The following AP3B2 variants were observed in gnomAD, a reference collection of about 807,000 sequenced individuals.
AP3B2 encodes the protein adaptor related protein complex 3 subunit beta 2, also known as AP-3 complex subunit beta-2.
Under a neutral mutation model 126.9 loss-of-function variants are expected in AP3B2, and 50 were observed. The observed-to-expected ratio is 0.39, with a 90% CI of 0.31 to 0.50. The LOEUF is 0.50. Ranked by LOEUF, AP3B2 falls within the 20% of genes least tolerant of loss-of-function variation. The probability of loss-of-function intolerance (pLI) is 0.79; values close to 1 mark genes in which losing one functional copy is unlikely to be tolerated. For synonymous variants in AP3B2, 541 were observed against 565.0 expected (o/e 0.96, Z 0.60); for missense variants, 1,177 against 1,426.4 (o/e 0.83, Z 2.82).
chr15:82,678,216 C>T lies in AP3B2; in HGVS notation c.1183-49G>A, dbSNP rs747098608. The T allele has an allele frequency of 5.2e-6, 8 of 1,537,776 alleles. No individual in the cohort carries two copies. The South Asian group carries it at 9.0e-5, about 17-fold the overall frequency. On this transcript the variant is annotated intron_variant, in intron 10 of 26. Coordinates refer to ENST00000535359, the MANE Select transcript of AP3B2 (RefSeq NM_001278512.2). Reference sequence around the variant, plus strand: ...GAAAATGGGTGGGTTGGCCAGTGGACTTTCTGTGCTTTCATTCCAAATACA... The same window carrying T: ...GAAAATGGGTGGGTTGGCCAGTGGATTTTCTGTGCTTTCATTCCAAATACA...
rs765112908 is a variant in AP3B2, at chr15:82,665,335, T to G, written c.1972-32A>C. ...GTGTGGGGGAGGGTGTTAGGAGGGC[T>G]GGGCCGGCACTGCCAGGGCTCCCTA... is the stretch of plus-strand genomic sequence containing the variant. On this transcript the variant is annotated intron_variant, in intron 16 of 26. Coordinates refer to ENST00000535359, the MANE Select transcript of AP3B2 (RefSeq NM_001278512.2). This position sits in a 1 kb window ranked among gnomAD's most constrained non-coding sequence, Gnocchi z 4.4. 16 of 1,585,864 alleles carry G rather than the reference T, an allele frequency of 1.0e-5. No individual in the cohort carries two copies. In the Admixed American group the frequency reaches 2.6e-4, roughly 26 times the overall value.
intron 1 of AP3B2, among the ~76,000 whole-genome samples, chr15:82,709,185 T>A (rs534798425): frequency 6.2e-4 from 94 of 152,124 alleles, no homozygotes; most frequent in African/African-American, 2.2e-3. Context: ...CCCGCCTTCC[T>A]GAAGAGGCCC....
At position 82,665,295 on chromosome 15, in the gene AP3B2, A is replaced by T. The variant is rs2151429690; in HGVS notation, c.1980T>A (p.Asp660Glu). Residue 660 changes from aspartate to glutamate, a missense_variant, in exon 17 of 27, where the codon GAT (aspartate) becomes GAA (glutamate). By Grantham distance (45) the Asp-to-Glu change is conservative. Coordinates refer to ENST00000535359, the MANE Select transcript of AP3B2 (RefSeq NM_001278512.2). This position sits in a 1 kb window ranked among gnomAD's most constrained non-coding sequence, Gnocchi z 4.4. ...CCACGTGAGTCTCAATAAGGGAGAG[A>T]TCTTCTTCCTGTGTGTGTGGGGGAG... is the stretch of plus-strand genomic sequence containing the variant. ...DPSVRNVEEE[D>E]LSLIETHVGL... 6.4e-7 allele frequency: 1 copy of T among 1,558,918 alleles called. No homozygotes were observed. Among genetic ancestry groups the T allele is most frequent in the South Asian group, 1.2e-5 (1 of 86,766 alleles).
chr15:82,701,587 A>T (rs534667851), intron 1 of AP3B2, among the ~76,000 whole-genome samples: 1 of 152,282 alleles, frequency 6.6e-6, no homozygotes, highest in Non-Finnish European at 1.5e-5. Context: ...CTGGCTTTAG[A>T]TGTCGACTTA....
Position 82,680,882 on chromosome 15 carries a change from C to T in AP3B2, c.726G>A (p.Met242Ile), listed in dbSNP as rs373564147. ...EEWGQVVIIS[M>I]LTRYARTQFL... ...ACTGCGTGCGGGCGTAGCGGGTGAG[C>T]ATGCTGATGATGACCACCTGGCCCC... Residue 242 changes from methionine to isoleucine, a missense_variant, in exon 7 of 27, where the codon ATG becomes ATA. By Grantham distance (10) the Met-to-Ile change is conservative (BLOSUM62 1). This residue lies in a region of AP3B2 where 103 missense variants were observed against 101.4 expected (regional missense o/e 1.02). Coordinates refer to ENST00000535359, the MANE Select transcript of AP3B2 (RefSeq NM_001278512.2). The surrounding 1 kb of genome is among the most constrained non-coding windows in gnomAD (Gnocchi z 6.1). 1.9e-6 allele frequency: 3 copies of T among 1,613,788 alleles called. No individual in the cohort carries two copies. The highest frequency in any genetic ancestry group is 1.3e-5 in the African/African-American group (1 of 74,910).
chr15:82,661,250 T>A (rs1182270452), intron 25 of AP3B2, among the ~76,000 whole-genome samples: 2 of 152,212 alleles, frequency 1.3e-5, no homozygotes, highest in African/African-American at 2.4e-5. Flanking sequence ...TCAAAGTGTT[T>A]CCTGGGCATA....
chr15:82,661,744 C>T, intron 25 of AP3B2, 81 bp downstream of exon 25: 1 of 1,195,182 alleles, frequency 8.4e-7, no homozygotes, highest in African/African-American at 1.5e-5. Context: ...AGGACACCAC[C>T]ATTCTCCCTA....
In AP3B2 at chr15:82,662,834, C is replaced by T. The variant is rs758946710; in HGVS notation, c.2693G>A (p.Arg898His). 1.2e-5 allele frequency: 19 copies of T among 1,613,284 alleles called. No homozygotes were observed. The Admixed American group carries it at 1.3e-4, about 11-fold the overall frequency. The change falls in exon 23 of 27, where the codon CGC becomes CAC. Residue 898 changes from arginine (R) to histidine (H), a missense_variant. By Grantham distance (29) the Arg-to-His change is conservative. This residue lies in a region of AP3B2 where 587 missense variants were observed against 571.3 expected (regional missense o/e 1.03). Coordinates refer to ENST00000535359, the MANE Select transcript of AP3B2 (RefSeq NM_001278512.2). ...GTGGGGATCCCCGGAGAAAGGTTGG[C>T]GGCTGAAGGTGTAGTCCACAGCCAG... ...EGLAVDYTFS[R>H]QPFSGDPHMV... is the part of the protein sequence containing the mutation.
At chr15:82,685,685 AT>A (rs148266537) in intron 4 of AP3B2, 6 of 152,336 alleles carry the variant, frequency 3.9e-5, no homozygotes, top group Non-Finnish European at 8.8e-5. Flanking sequence ...ATCAAAAAAA[AT>A]GTGTTTTCCT....
rs187945071 is a variant in AP3B2, at chr15:82,681,740, G to C, written c.361-160C>G. 5.2e-5 allele frequency: 41 copies of C among 785,646 alleles called. No individual in the cohort carries two copies. Among genetic ancestry groups the C allele is most frequent in the Admixed American group, 2.7e-4 (9 of 33,268 alleles). 48.7% of individuals were successfully genotyped at this position (785,646 alleles called of 1,614,324 possible). A position where few individuals can be genotyped will look rare whatever the true frequency, so the allele number is the denominator to read the frequency against. On this transcript the variant is annotated intron_variant, in intron 4 of 26. Coordinates refer to ENST00000535359, the MANE Select transcript of AP3B2 (RefSeq NM_001278512.2). This position sits in a 1 kb window ranked among gnomAD's most constrained non-coding sequence, Gnocchi z 4.0. ...GTGTGCCAGTGATGGGTATCTGGGG[G>C]ACACTTAATTTTGGCTCTGGTTGCA...
At chr15:82,669,663 G>A (rs549828216) in intron 14 of AP3B2, among the ~76,000 whole-genome samples, 103 of 145,674 alleles carry the variant, frequency 7.1e-4, no homozygotes, top group African/African-American at 2.6e-3. Context: ...CTGCACTCCA[G>A]CCTGGTGACA....
chr15:82,678,812 C>G (rs2048284433), intron 10 of AP3B2, among the ~76,000 whole-genome samples: 1 of 152,224 alleles, frequency 6.6e-6, no homozygotes, highest in African/African-American at 2.4e-5. Context: ...TCCTCCTCCC[C>G]ACATCTGTAA....
Position 82,680,465 on chromosome 15 carries a change from A to AGCGCACCTGTGGCTGCGCAGCAG in AP3B2, c.1039_1055+6dup. On this transcript the variant is annotated splice_region_variant and intron_variant, in intron 8 of 26. Coordinates refer to ENST00000535359, the MANE Select transcript of AP3B2 (RefSeq NM_001278512.2). The surrounding 1 kb of genome is among the most constrained non-coding windows in gnomAD (Gnocchi z 6.1). ...AGGGAGGGGGCGGGGCTGGGGGCGG[A>AGCGCACCTGTGGCTGCGCAGCAG]GCGCACCTGTGGCTGCGCAGCAGGC... 1 of 1,486,230 alleles carries AGCGCACCTGTGGCTGCGCAGCAG rather than the reference A, an allele frequency of 6.7e-7. No individual in the cohort carries two copies. The highest frequency in any genetic ancestry group is 8.9e-7 in the Non-Finnish European group (1 of 1,120,744). 92.1% of individuals were successfully genotyped at this position (1,486,230 alleles called of 1,614,324 possible).
intron 1 of AP3B2, among the ~76,000 whole-genome samples, chr15:82,694,561 T>C (rs576927420): frequency 1.3e-5 from 2 of 152,140 alleles, no homozygotes; most frequent in Admixed American, 6.5e-5. Context: ...GGCACATGCC[T>C]GTAGTCACAG....
intron 1 of AP3B2, 89 bp from the exon 2 acceptor site, chr15:82,689,542 GC>G: frequency 7.8e-7 from 1 of 1,276,492 alleles, no homozygotes; most frequent in Non-Finnish European, 1.1e-6. Flanking sequence ...AAGGGACATG[GC>G]CAGGGGAGGC....
intron 1 of AP3B2, among the ~76,000 whole-genome samples, chr15:82,702,942 C>G (rs1226498173): frequency 2.0e-5 from 3 of 152,136 alleles, no homozygotes; most frequent in Non-Finnish European, 4.4e-5. Context: ...CCTCTTTTTA[C>G]TCTCTTCTCC....
Position 82,681,344 on chromosome 15 carries a change from C to T in AP3B2, c.521+76G>A. 6.3e-7 allele frequency: 1 copy of T among 1,583,522 alleles called. No individual in the cohort carries two copies. Among genetic ancestry groups the T allele is most frequent in the Non-Finnish European group, 8.6e-7 (1 of 1,162,348 alleles). On this transcript the variant is annotated intron_variant, in intron 5 of 26. Transcript: ENST00000535359. This position sits in a 1 kb window ranked among gnomAD's most constrained non-coding sequence, Gnocchi z 4.0. The stretch of plus-strand genomic sequence containing the variant: ...ACCCTCTGAGAAGCAGCAGGCAAGA[C>T]TTAGGAAAGGCCAGGGGTGGGTTGA...
intron 3 of AP3B2, 80 bp downstream of exon 3, chr15:82,689,078 T>G (rs2048479706): frequency 6.5e-7 from 1 of 1,532,662 alleles, no homozygotes; most frequent in Non-Finnish European, 9.0e-7. Context: ...AGGGGCTAAA[T>G]CATTTCCTTC....
chr15:82,659,525 T>G lies in AP3B2; in HGVS notation c.*35A>C, dbSNP rs964003789. On this transcript the variant is annotated 3_prime_UTR_variant, in exon 27 of 27. Transcript: ENST00000535359. ...ACAGCCTAGGTGTCATGGGGAGGTA[T>G]AGATGGGAGCCAAACAGGTCACAGC... is the stretch of plus-strand genomic sequence containing the variant. 1.7e-5 allele frequency: 27 copies of G among 1,609,406 alleles called. No individual in the cohort carries two copies. Among genetic ancestry groups the G allele is most frequent in the Non-Finnish European group, 1.9e-5 (22 of 1,177,132 alleles).
Sources: allele counts gnomAD v4.1 joint callset (sites outside exome capture counted in the v4.1 genomes callset), GRCh38; gene constraint gnomAD v4.1.1; regional missense constraint gnomAD v4.1.1; non-coding constraint Gnocchi (gnomAD v3.1); transcripts MANE v1.5; gene names NCBI Gene and HGNC (gene_info 2026-07-23, HGNC 2026-07-21).